Variants in ACSM2A observed in about 807,000 individuals in gnomAD.
ACSM2A encodes the protein acyl-coenzyme A synthetase ACSM2A, mitochondrial.
A neutral mutation model predicts 76.6 loss-of-function variants in ACSM2A; 72 were observed. The ratio of observed to expected loss-of-function variants is 0.94; its 90% confidence interval spans 0.78 to 1.14. ACSM2A has a LOEUF of 1.14. ACSM2A is among the 50% of genes most tolerant of loss of function. The pLI, the probability that ACSM2A is intolerant of heterozygous loss-of-function variation, is 0.00. For synonymous variants in ACSM2A, 249 were observed against 255.9 expected (o/e 0.97, Z 0.26); for missense variants, 684 against 708.5 (o/e 0.97, Z 0.39).
intron 1 of ACSM2A, among the ~76,000 whole-genome samples, chr16:20,458,661 A>T (rs113194747): frequency 0.012 from 1,757 of 141,092 alleles, 22 homozygotes; most frequent in Non-Finnish European, 0.019. Flanking sequence ...AAGCTCATGG[A>T]TATATAATAT....
At chr16:20,456,718 C>T (rs1198526900) in intron 1 of ACSM2A, among the ~76,000 whole-genome samples, 1 of 148,872 alleles carries the variant, frequency 6.7e-6, no homozygotes, top group East Asian at 2.1e-4. Context: ...CACAAATAGA[C>T]AATCTAAGGC....
At chr16:20,470,404 T>C (rs745630139) in intron 4 of ACSM2A, among the ~76,000 whole-genome samples, 19 of 152,212 alleles carry the variant, frequency 1.2e-4, no homozygotes, top group Non-Finnish European at 2.1e-4. Flanking sequence ...CAAAAGCCGA[T>C]AGCAAGACTG....
At chr16:20,474,615 T>C (rs958308225) in intron 6 of ACSM2A, among the ~76,000 whole-genome samples, 3 of 152,200 alleles carry the variant, frequency 2.0e-5, no homozygotes, top group African/African-American at 7.2e-5. Context: ...CTCTATTACA[T>C]TCTGCATAAA....
At chr16:20,463,070 T>G (rs1403674528) in intron 2 of ACSM2A, among the ~76,000 whole-genome samples, 1 of 107,496 alleles carries the variant, frequency 9.3e-6, no homozygotes, top group African/African-American at 3.7e-5. Context: ...CATCACACAC[T>G]GGGCCTGTTA....
At chr16:20,480,050 A>T (rs1282558931) in intron 10 of ACSM2A, among the ~76,000 whole-genome samples, 1 of 152,312 alleles carries the variant, frequency 6.6e-6, no homozygotes, top group East Asian at 1.9e-4. Flanking sequence ...ACAAGGGATA[A>T]ACCTCAAGCC....
At chr16:20,468,816 A>G (rs2013182417) in intron 3 of ACSM2A, among the ~76,000 whole-genome samples, 1 of 152,250 alleles carries the variant, frequency 6.6e-6, no homozygotes, top group Admixed American at 6.5e-5. Context: ...ATTGTACAGC[A>G]TGCTAAACAC....
In ACSM2A at chr16:20,477,433, C is replaced by T. The variant is rs866827349; in HGVS notation, c.1163C>T (p.Ser388Phe). 2.5e-6 allele frequency: 4 copies of T among 1,607,904 alleles called. No individual in the cohort carries two copies. In the Admixed American group the frequency reaches 6.7e-5, roughly 27 times the overall value. The change falls in exon 9 of 14, where the codon TCC becomes TTC. Residue 388 changes from serine to phenylalanine, a missense_variant. Coordinates refer to ENST00000573854, the MANE Select transcript of ACSM2A (RefSeq NM_001308172.2). ...CCAGGATACATGGGAACGGCTGCTT[C>T]CTGTTATGATGTACAGGTTTGCTCG... ...IKPGYMGTAA[S>F]CYDVQIIDDK...
chr16:20,459,979 C>A, intron 1 of ACSM2A, 128 bp from the exon 2 acceptor site: 1 of 1,413,524 alleles, frequency 7.1e-7, no homozygotes, highest in Non-Finnish European at 9.3e-7. Flanking sequence ...CCAATTTACT[C>A]ATAACTACAG....
At chr16:20,469,788 G>C in intron 4 of ACSM2A, 69 bp downstream of exon 4, 1 of 1,601,474 alleles carries the variant, frequency 6.2e-7, no homozygotes, top group Admixed American at 1.7e-5. Flanking sequence ...CTTAGGTGCA[G>C]GTGCTTTATT....
chr16:20,451,849 C>A (rs1175610707), intron 1 of ACSM2A, among the ~76,000 whole-genome samples, 168 bp downstream of exon 1: 2 of 139,660 alleles, frequency 1.4e-5, no homozygotes, highest in African/African-American at 5.3e-5. Flanking sequence ...AAACACTGGG[C>A]AGAGGAAAAG....
intron 4 of ACSM2A, chr16:20,470,682 C>A (rs1423846625): frequency 7.4e-6 from 3 of 403,140 alleles, no homozygotes; most frequent in Non-Finnish European, 1.5e-5. Flanking sequence ...TTCCACCCCT[C>A]CTGTCCACTT....
At chr16:20,455,081 C>G (rs1334507397) in intron 1 of ACSM2A, among the ~76,000 whole-genome samples, 18 of 128,182 alleles carry the variant, frequency 1.4e-4, no homozygotes, top group Non-Finnish European at 2.7e-4. Context: ...TTGACTTAGC[C>G]AAATCCAACA....
intron 1 of ACSM2A, among the ~76,000 whole-genome samples, chr16:20,457,146 T>C (rs1249463649): frequency 6.6e-6 from 1 of 151,606 alleles, no homozygotes; most frequent in Non-Finnish European, 1.5e-5. Context: ...AGCAGCGAGA[T>C]TAAAATGGTA....
chr16:20,483,602 A>AAAAAAT (rs2014230952), intron 13 of ACSM2A, among the ~76,000 whole-genome samples: 5 of 138,308 alleles, frequency 3.6e-5, no homozygotes, highest in Admixed American at 7.3e-5. Flanking sequence ...AAAAAAAAAA[A>AAAAAAT]GTCTTTCTAT....
rs1005917011 is a variant in ACSM2A at position 20,481,006 on chromosome 16, G to A, written c.1509+85G>A. On this transcript the variant is annotated intron_variant, in intron 12 of 13. Transcript: ENST00000573854. The stretch of plus-strand genomic sequence containing the variant: ...GATGGTTTAAGAACAGGGACTGTGG[G>A]GCTGAACACTCTGAGACCCAATCTT... 285 of 1,517,030 alleles carry A rather than the reference G, an allele frequency of 1.9e-4. 4 individuals are homozygous for A. In the South Asian group the frequency reaches 3.2e-3, roughly 17 times the overall value. 94.0% of individuals were successfully genotyped at this position (1,517,030 alleles called of 1,614,324 possible).
intron 10 of ACSM2A, among the ~76,000 whole-genome samples, chr16:20,479,438 T>G (rs2141754831): frequency 6.6e-6 from 1 of 152,326 alleles, no homozygotes; most frequent in South Asian, 2.1e-4. Context: ...ATAAAGTTTT[T>G]GGACTCAGTT....
chr16:20,478,717 G>A (rs535232145), intron 10 of ACSM2A, 40 bp downstream of exon 10: 5 of 1,584,406 alleles, frequency 3.2e-6, no homozygotes, highest in East Asian at 2.3e-5. Flanking sequence ...CCCCAGTGAG[G>A]ATGGGAGCAC....
Position 20,471,105 on chromosome 16 carries a change from C to T in ACSM2A, c.629C>T (p.Thr210Ile), listed in dbSNP as rs773629172. Residue 210 changes from threonine to isoleucine, a missense_variant, in exon 5 of 14, where the codon ACT (threonine) becomes ATT (isoleucine). Physicochemically the swap from Thr to Ile is moderately conservative, Grantham distance 89. This residue lies in a region of ACSM2A where 519 missense variants were observed against 549.5 expected (regional missense o/e 0.94). Coordinates refer to ENST00000573854, the MANE Select transcript of ACSM2A (RefSeq NM_001308172.2). The part of the protein sequence containing the change: ...EASTTHHCVE[T>I]GSQEASAIYF... ...TCCACCACTCATCACTGTGTGGAGA[C>T]TGGAAGCCAGGAAGCATCTGCCATC... is the stretch of plus-strand genomic sequence containing the variant. The T allele has an allele frequency of 6.2e-7, 1 of 1,613,670 alleles. No individual in the cohort carries two copies. The highest frequency in any genetic ancestry group is 1.1e-5 in the South Asian group (1 of 91,048).
At chr16:20,481,174 A>G (rs547845899) in intron 12 of ACSM2A, 17 of 502,578 alleles carry the variant, frequency 3.4e-5, no homozygotes, top group Middle Eastern at 5.2e-4. Flanking sequence ...GGTGATTTCT[A>G]AAAAAACTAA....
Sources: gnomAD v4.1 joint callset for allele counts (sites outside exome capture counted in the v4.1 genomes callset) on GRCh38, gnomAD v4.1.1 for gene constraint, gnomAD v4.1.1 regional missense constraint, MANE v1.5 for transcripts, NCBI Gene and HGNC (gene_info 2026-07-23, HGNC 2026-07-21) for gene names.